Variants in TLL2 observed in about 807,000 individuals in gnomAD.
The protein encoded by TLL2 is tolloid-like protein 2.
TLL2 carries 106 observed loss-of-function variants against 123.0 expected under a neutral mutation model. That is an observed-to-expected ratio of 0.86 (90% CI 0.74 to 1.01). The LOEUF (loss-of-function observed/expected upper bound fraction) is 1.01, where lower values mean the gene tolerates loss of function less well. Ranked by LOEUF, TLL2 falls within the 50% of genes least tolerant of loss-of-function variation. The probability of loss-of-function intolerance (pLI) is 0.00; values close to 1 mark genes in which losing one functional copy is unlikely to be tolerated. For missense variants in TLL2, 1,332 were observed against 1,336.7 expected (o/e 1.00, Z 0.06); for synonymous variants, 494 against 516.8 (o/e 0.96, Z 0.60).
intron 2 of TLL2, among the ~76,000 whole-genome samples, chr10:96,446,581 C>T (rs1846899172): frequency 6.6e-6 from 1 of 152,068 alleles, no homozygotes; most frequent in African/African-American, 2.4e-5. Flanking sequence ...GGAGATGTGC[C>T]CAGTGCTGCC....
intron 15 of TLL2, among the ~76,000 whole-genome samples, chr10:96,385,184 T>C (rs1846222465): frequency 6.6e-6 from 1 of 152,016 alleles, no homozygotes; most frequent in Admixed American, 6.5e-5. Flanking sequence ...ACCGACAGAA[T>C]CTGACTCCAT....
At chr10:96,369,197 A>AC (rs1220076597) in intron 20 of TLL2, among the ~76,000 whole-genome samples, 1 of 152,160 alleles carries the variant, frequency 6.6e-6, no homozygotes, top group African/African-American at 2.4e-5. Context: ...AGTGACTGGG[A>AC]CACTGTACTG....
chr10:96,435,384 A>G (rs1275924290), intron 3 of TLL2, among the ~76,000 whole-genome samples: 1 of 152,158 alleles, frequency 6.6e-6, no homozygotes, highest in East Asian at 1.9e-4. Context: ...CAGATATATA[A>G]TTTCCAAATC....
At chr10:96,384,448 G>A (rs1320844678) in intron 16 of TLL2, 139 bp downstream of exon 16, 20 of 805,722 alleles carry the variant, frequency 2.5e-5, no homozygotes, top group Non-Finnish European at 3.1e-5. Context: ...GATCTGGCAC[G>A]CCCCCTCCAA....
At chr10:96,488,910 G>C (rs975150881) in intron 1 of TLL2, among the ~76,000 whole-genome samples, 1 of 152,184 alleles carries the variant, frequency 6.6e-6, no homozygotes, top group Non-Finnish European at 1.5e-5. Context: ...TAAACCAAAG[G>C]CTGCTGTGGG....
chr10:96,408,108 C>T (rs985004384), intron 9 of TLL2, among the ~76,000 whole-genome samples: 1 of 152,218 alleles, frequency 6.6e-6, no homozygotes. Flanking sequence ...CTATCCCACA[C>T]CGTGCTCATA....
chr10:96,379,839 A>G (rs1846170594), intron 16 of TLL2, among the ~76,000 whole-genome samples: 1 of 150,504 alleles, frequency 6.6e-6, no homozygotes, highest in African/African-American at 2.5e-5. Flanking sequence ...AAAACAAAAC[A>G]AAAACAAGTA....
intron 1 of TLL2, among the ~76,000 whole-genome samples, chr10:96,504,067 C>A (rs1847557604): frequency 1.3e-5 from 2 of 152,180 alleles, no homozygotes; most frequent in South Asian, 4.1e-4. Context: ...GCCTGTAATG[C>A]CCCTGAGATC....
intron 15 of TLL2, among the ~76,000 whole-genome samples, chr10:96,385,004 C>T (rs554797442): frequency 6.6e-6 from 1 of 152,206 alleles, no homozygotes; most frequent in African/African-American, 2.4e-5. Context: ...ACAGGGCTCC[C>T]AAACCTGCAT....
chr10:96,417,114 A>G (rs1379491481), intron 7 of TLL2, among the ~76,000 whole-genome samples: 1 of 152,220 alleles, frequency 6.6e-6, no homozygotes, highest in African/African-American at 2.4e-5. Flanking sequence ...AGCAGGGTAT[A>G]GCATTTGCCC....
At chr10:96,474,017 T>C (rs1057080312) in intron 2 of TLL2, among the ~76,000 whole-genome samples, 10 of 152,106 alleles carry the variant, frequency 6.6e-5, no homozygotes, top group Admixed American at 5.9e-4. Context: ...TCTGTGTGTG[T>C]CTCCCACTAA....
intron 1 of TLL2, among the ~76,000 whole-genome samples, chr10:96,482,272 C>T (rs1029942482): frequency 1.4e-5 from 2 of 145,910 alleles, no homozygotes; most frequent in Admixed American, 6.8e-5. Context: ...AAAAAAAAAA[C>T]GAAAAAACCT....
chr10:96,415,716 G>GCTCTCTCTCT (rs1172742136), intron 7 of TLL2, among the ~76,000 whole-genome samples: 3 of 5,170 alleles, frequency 5.8e-4, no homozygotes, highest in Admixed American at 2.1e-3. Context: ...AGCTGTGCAT[G>GCTCTCTCTCT]CTCTCTCTCT....
rs1313881235 is a variant in TLL2 at position 96,428,699 on chromosome 10, G to A, written c.570C>T (p.His190=). The change falls in exon 5 of 21, where the codon CAC becomes CAT. Residue 190 remains histidine (H), a synonymous_variant. Coordinates refer to ENST00000357947, the MANE Select transcript of TLL2 (RefSeq NM_012465.4). ...FKQAMRHWEK[H]TCVTFIERTD... ...TCCTTTCTATGAAGGTCACACAGGT[G>A]TGCTTCTCCCAGTGTCTCATGGCCT... is the stretch of plus-strand genomic sequence containing the variant. 2 of 1,614,066 alleles carry A rather than the reference G, an allele frequency of 1.2e-6. No homozygotes were observed. The highest frequency in any genetic ancestry group is 1.7e-5 in the Admixed American group (1 of 60,008).
At chr10:96,384,875 G>C in intron 15 of TLL2, 108 bp from the exon 16 acceptor site, 2 of 1,141,258 alleles carry the variant, frequency 1.8e-6, no homozygotes, top group Non-Finnish European at 1.2e-6. Context: ...CGTGTGTGGC[G>C]GGGGAGGGTC....
intron 2 of TLL2, among the ~76,000 whole-genome samples, chr10:96,465,817 G>A (rs576302733): frequency 1.3e-5 from 2 of 152,346 alleles, no homozygotes; most frequent in East Asian, 1.9e-4. Flanking sequence ...ACCATGGAGT[G>A]CAACCTGTTG....
intron 18 of TLL2, chr10:96,374,432 C>T (rs11818896): frequency 0.16 from 24,230 of 153,696 alleles, 2,057 homozygotes; most frequent in South Asian, 0.23. Flanking sequence ...TGCTGCACGA[C>T]CCTTTAGTAC....
At chr10:96,482,599 T>A (rs933561108) in intron 1 of TLL2, among the ~76,000 whole-genome samples, 1 of 152,194 alleles carries the variant, frequency 6.6e-6, no homozygotes, top group African/African-American at 2.4e-5. Flanking sequence ...ATGATTCAAT[T>A]GATATGAAAT....
chr10:96,490,692 G>A (rs924411075), intron 1 of TLL2, among the ~76,000 whole-genome samples: 1 of 152,178 alleles, frequency 6.6e-6, no homozygotes, highest in Non-Finnish European at 1.5e-5. Flanking sequence ...GACACACAAA[G>A]CTATTGAATT....
Sources: gnomAD v4.1 joint callset for allele counts (sites outside exome capture counted in the v4.1 genomes callset) on GRCh38, gnomAD v4.1.1 for gene constraint, MANE v1.5 for transcripts, NCBI Gene and HGNC (gene_info 2026-07-23, HGNC 2026-07-21) for gene names.